Variants in KDM4C observed in about 807,000 individuals in gnomAD.
KDM4C encodes the protein lysine-specific demethylase 4C.
A neutral mutation model predicts 129.3 loss-of-function variants in KDM4C; 81 were observed. The observed-to-expected ratio is 0.63, with a 90% CI of 0.52 to 0.75. KDM4C has a LOEUF of 0.75. Ranked by LOEUF, KDM4C falls within the 30% of genes least tolerant of loss-of-function variation. The pLI is 0.00. For synonymous variants in KDM4C, 573 were observed against 456.1 expected, an observed-to-expected ratio of 1.26 and a Z score of -3.26; for missense variants, 1,457 against 1,304.0, an observed-to-expected ratio of 1.12 and a Z score of -1.81.
intron 8 of KDM4C, among the ~76,000 whole-genome samples, chr9:6,904,035 T>G (rs900880891): frequency 6.6e-6 from 1 of 152,084 alleles, no homozygotes; most frequent in African/African-American, 2.4e-5. Flanking sequence ...AGATCAGGAG[T>G]TCAGGACCAG....
rs534481688 is a variant in KDM4C at position 6,943,577 on chromosome 9, A to G, written c.922-37348A>G. 2.9e-4 allele frequency among the ~76,000 whole-genome samples: 44 copies of G among 152,002 alleles called. No homozygotes were observed. In the South Asian group the frequency reaches 9.1e-3, roughly 32 times the overall value. On this transcript the variant is annotated intron_variant, in intron 8 of 21. Coordinates refer to ENST00000381309, the MANE Select transcript of KDM4C (RefSeq NM_015061.6). ...CTGGTCCTGGCTACTTGGGAGGCTG[A>G]GGTGGGAAGATTGCTTGAGCCCAGG...
Position 6,901,227 on chromosome 9 carries a change from G to A in KDM4C, c.921+7995G>A, listed in dbSNP as rs539659408. On this transcript the variant is annotated intron_variant, in intron 8 of 21. Transcript: ENST00000381309. ...GGAGGGACTGGTGGGAGAGTCAGCA[G>A]GGCCCTGGGCACCCCCCAGAGTTTG... Among the ~76,000 whole-genome samples, 5 of 152,290 alleles carry A rather than the reference G, an allele frequency of 3.3e-5. No homozygotes were observed. In the East Asian group the frequency reaches 9.7e-4, roughly 29 times the overall value.
intron 8 of KDM4C, among the ~76,000 whole-genome samples, chr9:6,915,947 T>C (rs1367188297): frequency 1.3e-5 from 2 of 152,222 alleles, no homozygotes; most frequent in Non-Finnish European, 2.9e-5. Flanking sequence ...CACTGACAGA[T>C]GCTGTAAAAT....
chr9:7,055,267 C>G (rs543263018), intron 17 of KDM4C, among the ~76,000 whole-genome samples: 1 of 152,294 alleles, frequency 6.6e-6, no homozygotes, highest in Non-Finnish European at 1.5e-5. Flanking sequence ...CCTTTGGTTT[C>G]TATGTCTTTA....
intron 21 of KDM4C, among the ~76,000 whole-genome samples, chr9:7,171,934 G>A (rs1357676171): frequency 1.3e-5 from 2 of 152,042 alleles, no homozygotes; most frequent in African/African-American, 4.8e-5. Context: ...AATATCTTAG[G>A]GAACAAAGGC....
In KDM4C at chr9:6,888,025, C is replaced by G; in HGVS notation, c.745C>G (p.Pro249Ala). The change falls in exon 7 of 22, where the codon CCA becomes GCA. Residue 249 changes from proline (P) to alanine (A), a missense_variant. By Grantham distance (27) the Pro-to-Ala change is conservative (BLOSUM62 -1). Transcript: ENST00000381309. ...TCGCCACAAGATGACATTGATTTCT[C>G]CATCAGTATTGAAGAAATATGGTAT... ...FLRHKMTLIS[P>A]SVLKKYGIPF... 6.2e-7 allele frequency: 1 copy of G among 1,606,140 alleles called. No individual in the cohort carries two copies. The highest frequency in any genetic ancestry group is 8.5e-7 in the Non-Finnish European group (1 of 1,173,590).
chr9:7,128,370 A>G, intron 19 of KDM4C, 134 bp downstream of exon 19: 1 of 582,976 alleles, frequency 1.7e-6, no homozygotes, highest in Non-Finnish European at 2.7e-6. Flanking sequence ...TTATCATTCT[A>G]AATAATATCC....
chr9:7,104,798 A>T (rs1837494403), intron 18 of KDM4C, among the ~76,000 whole-genome samples: 1 of 152,186 alleles, frequency 6.6e-6, no homozygotes, highest in Admixed American at 6.5e-5. Context: ...TATGTCCCTA[A>T]TAACCTCTTG....
At chr9:7,009,164 A>G (rs1381561488) in intron 12 of KDM4C, among the ~76,000 whole-genome samples, 1 of 152,244 alleles carries the variant, frequency 6.6e-6, no homozygotes, top group East Asian at 1.9e-4. Context: ...CAATGCACAA[A>G]CAAGTTGAGA....
intron 8 of KDM4C, among the ~76,000 whole-genome samples, chr9:6,958,117 C>A (rs1022027266): frequency 1.4e-5 from 2 of 147,914 alleles, no homozygotes; most frequent in Non-Finnish European, 3.0e-5. Flanking sequence ...CTTGTAGATA[C>A]TCTTTTTATT....
intron 1 of KDM4C, among the ~76,000 whole-genome samples, chr9:6,742,382 AT>A (rs1817730806): frequency 1.3e-5 from 2 of 152,050 alleles, no homozygotes; most frequent in Non-Finnish European, 2.9e-5. Flanking sequence ...ATTTGGATTC[AT>A]TTGGATCTGT....
rs534647006 is a variant in KDM4C, at chr9:6,964,603, A to T, written c.922-16322A>T. Among the ~76,000 whole-genome samples the T allele has an allele frequency of 3.3e-5, 5 of 151,842 alleles. No homozygotes were observed. The East Asian group carries it at 9.7e-4, about 29-fold the overall frequency. ...AAGACCAGCCTGGGCAACACGGTGA[A>T]ACCCCATCTCTACTAAAAAATACAA... is the stretch of plus-strand genomic sequence containing the variant. On this transcript the variant is annotated intron_variant, in intron 8 of 21. Transcript: ENST00000381309.
intron 4 of KDM4C, among the ~76,000 whole-genome samples, chr9:6,847,581 A>C (rs997577622): frequency 6.6e-6 from 1 of 152,088 alleles, no homozygotes; most frequent in African/African-American, 2.4e-5. Context: ...TAGTAGAGAC[A>C]GGGTTTCACC....
intron 5 of KDM4C, among the ~76,000 whole-genome samples, chr9:6,860,804 C>G (rs1840789428): frequency 6.6e-6 from 1 of 152,108 alleles, no homozygotes; most frequent in Admixed American, 6.6e-5. Context: ...TTAAAATGAT[C>G]TCAACATTGT....
Position 6,935,356 on chromosome 9 carries a change from A to G in KDM4C, c.921+42124A>G, listed in dbSNP as rs138511923. On this transcript the variant is annotated intron_variant, in intron 8 of 21. Coordinates refer to ENST00000381309, the MANE Select transcript of KDM4C (RefSeq NM_015061.6). ...ATTTTCAAATGTTTGATTTTTATTC[A>G]ATTTTTATATCCTGTTCACATATTT... Among the ~76,000 whole-genome samples the G allele has an allele frequency of 4.8e-3, 731 of 152,064 alleles. 6 individuals are homozygous for G. The highest frequency in any genetic ancestry group is 0.017 in the African/African-American group (690 of 41,488).
chr9:7,011,413 T>G (rs779880920), intron 12 of KDM4C, among the ~76,000 whole-genome samples: 1 of 152,116 alleles, frequency 6.6e-6, no homozygotes, highest in Non-Finnish European at 1.5e-5. Context: ...AGAAGTAATG[T>G]GGGAAGGAGG....
At chr9:7,118,725 T>A (rs901509263) in intron 18 of KDM4C, among the ~76,000 whole-genome samples, 1 of 152,232 alleles carries the variant, frequency 6.6e-6, no homozygotes, top group Non-Finnish European at 1.5e-5. Context: ...CTGTTCAGCC[T>A]TGCTGGTGCT....
At chr9:7,014,626 A>G (rs1449885420) in intron 14 of KDM4C, among the ~76,000 whole-genome samples, 1 of 151,866 alleles carries the variant, frequency 6.6e-6, no homozygotes, top group Non-Finnish European at 1.5e-5. Flanking sequence ...ATATAATACA[A>G]CTCTATTTTA....
rs1845352283 is a variant in KDM4C, at chr9:7,175,425, A to G, written c.*696A>G. The G allele has an allele frequency of 6.6e-6, 1 of 152,666 alleles. No individual in the cohort carries two copies. The highest frequency in any genetic ancestry group is 6.5e-5 in the Admixed American group (1 of 15,292). The allele number at this position is 152,666 out of a possible 1,614,324, so 9.5% of individuals were successfully genotyped here. ...TGTTATGCGAATTTTATATATTTAA[A>G]GAGGGAGATCTGGGGCTGTTATTTT... On this transcript the variant is annotated 3_prime_UTR_variant, in exon 22 of 22. Transcript: ENST00000381309.
Sources: allele counts gnomAD v4.1 joint callset (sites outside exome capture counted in the v4.1 genomes callset), GRCh38; gene constraint gnomAD v4.1.1; transcripts MANE v1.5; gene names NCBI Gene and HGNC (gene_info 2026-07-23, HGNC 2026-07-21).